IWS1: variants seen among roughly 807,000 people sequenced by gnomAD.
The protein encoded by IWS1 is protein IWS1 homolog.
In IWS1, 27 loss-of-function variants were observed where a neutral mutation model predicts 86.7. That is an observed-to-expected ratio of 0.31 (90% confidence interval 0.23 to 0.43). The LOEUF (loss-of-function observed/expected upper bound fraction) is 0.43. Among genes scored for constraint, IWS1 ranks in the 20% least tolerant of loss-of-function variants. IWS1 has a pLI of 1.00. For missense variants in IWS1, 827 were observed against 1,000.8 expected (o/e 0.83, Z 2.34); for synonymous variants, 313 against 335.1 (o/e 0.93, Z 0.72).
Position 127,503,445 on chromosome 2 carries a change from T to G in IWS1, c.1351A>C (p.Lys451Gln). 2 of 1,613,594 alleles carry G rather than the reference T, an allele frequency of 1.2e-6. No homozygotes were observed. Among genetic ancestry groups the G allele is most frequent in the Non-Finnish European group, 1.7e-6 (2 of 1,179,776 alleles). The change falls in exon 4 of 14, where the codon AAG (lysine) becomes CAG (glutamine). Residue 451 changes from lysine to glutamine, a missense_variant. Physicochemically the swap from Lys to Gln is moderately conservative, Grantham distance 53 (BLOSUM62 1). Coordinates refer to ENST00000295321, the MANE Select transcript of IWS1 (RefSeq NM_017969.3). The stretch of plus-strand genomic sequence containing the variant: ...AACAGATCCTTCTCTTCATTTTTCT[T>G]ATCAGACAATTCTTTCCCAGCTTCT... The part of the protein sequence containing the change: ...EEEAGKELSD[K>Q]KNEEKDLFGS...
At chr2:127,488,138 G>C (rs1303491214) in intron 12 of IWS1, 1 of 152,724 alleles carries the variant, frequency 6.5e-6, no homozygotes, top group Non-Finnish European at 1.5e-5. Flanking sequence ...CCAACGCACA[G>C]GACCACAGGT....
At chr2:127,491,447 AT>A (rs11352966) in intron 10 of IWS1, among the ~76,000 whole-genome samples, 128,089 of 147,848 alleles carry the variant, frequency 0.87, 55,636 homozygotes, top group East Asian at 1. Context: ...TTTACTTGCA[AT>A]TTTTTTTTTT....
At position 127,486,535 on chromosome 2, in the gene IWS1, G is replaced by A. The variant is rs779130506; in HGVS notation, c.2328+18C>T. On this transcript the variant is annotated intron_variant, in intron 13 of 13. Coordinates refer to ENST00000295321, the MANE Select transcript of IWS1 (RefSeq NM_017969.3). The stretch of plus-strand genomic sequence containing the variant: ...ATCTGCAGGTGAGATCCACCTTGCC[G>A]ATCCTCCGCTTGCTTACCCTGGATG... 8 of 1,561,260 alleles carry A rather than the reference G, an allele frequency of 5.1e-6. No homozygotes were observed. The highest frequency in any genetic ancestry group is 2.2e-5 in the East Asian group (1 of 44,588).
At chr2:127,494,985 TA>T in intron 7 of IWS1, 31 bp from the exon 8 acceptor site, 1 of 1,346,270 alleles carries the variant, frequency 7.4e-7, no homozygotes, top group Non-Finnish European at 1.0e-6. Context: ...GATTTTTTTT[TA>T]AAACAGTACT....
At chr2:127,487,740 T>C (rs953930272) in intron 12 of IWS1, among the ~76,000 whole-genome samples, 6 of 152,122 alleles carry the variant, frequency 3.9e-5, no homozygotes, top group African/African-American at 1.2e-4. Context: ...TTAGTAGAGA[T>C]GGGGTTTCTC....
rs139047888 is a variant in IWS1, at chr2:127,523,248, C to T, written c.150+428G>A. Among the ~76,000 whole-genome samples the T allele has an allele frequency of 8.5e-4, 130 of 152,178 alleles. 1 individual carries two copies. The highest frequency in any genetic ancestry group is 3.1e-3 in the African/African-American group (127 of 41,512). On this transcript the variant is annotated intron_variant, in intron 2 of 13. Transcript: ENST00000295321. ...TTATTATTACATACATTATATACAC[C>T]GTAACAGTTCAAAATCAGAAGGGCA...
At chr2:127,482,833 G>A (rs1211075455) in intron 13 of IWS1, 4 of 152,014 alleles carry the variant, frequency 2.6e-5, no homozygotes, top group South Asian at 4.2e-4. Context: ...TCAAGGGAAC[G>A]CTACACTTCC....
At position 127,500,160 on chromosome 2, in the gene IWS1, G is replaced by A. The variant is rs72960503; in HGVS notation, c.1468-1923C>T. On this transcript the variant is annotated intron_variant, in intron 5 of 13. Transcript: ENST00000295321. ...GTTCATCAGAAGACTCCATGTTAAC[G>A]GAATGAATTTAAGATATTCTAAAAA... Among the ~76,000 whole-genome samples, 1,063 of 152,102 alleles carry A rather than the reference G, an allele frequency of 7.0e-3. 15 individuals carry two copies. The highest frequency in any genetic ancestry group is 0.025 in the African/African-American group (1,023 of 41,486).
chr2:127,498,500 T>C (rs1468077201), intron 5 of IWS1, among the ~76,000 whole-genome samples: 1 of 151,278 alleles, frequency 6.6e-6, no homozygotes. Context: ...CTATTCAGAG[T>C]GGGTACAGGA....
At position 127,489,345 on chromosome 2, in the gene IWS1, G is replaced by A. The variant is rs1322254162; in HGVS notation, c.2160-110C>T. 3 of 702,358 alleles carry A rather than the reference G, an allele frequency of 4.3e-6. No individual in the cohort carries two copies. The highest frequency in any genetic ancestry group is 1.8e-5 in the South Asian group (1 of 57,100). 43.5% of individuals were successfully genotyped at this position (702,358 alleles called of 1,614,324 possible). A position where few individuals can be genotyped will look rare whatever the true frequency, so the allele number is the denominator to read the frequency against. On this transcript the variant is annotated intron_variant, in intron 11 of 13. Transcript: ENST00000295321. The surrounding 1 kb of genome is among the most constrained non-coding windows in gnomAD (Gnocchi z 4.8). ...CCATAACTATTAATAGCTCTTTTAC[G>A]ATGGATCAGGGAAAATAATTCCTAA...
Position 127,489,776 on chromosome 2 carries a change from C to A in IWS1, c.2159+56G>T. 1 of 967,392 alleles carries A rather than the reference C, an allele frequency of 1.0e-6. No individual in the cohort carries two copies. Among genetic ancestry groups the A allele is most frequent in the South Asian group, 1.3e-5 (1 of 76,080 alleles). 59.9% of individuals were successfully genotyped at this position (967,392 alleles called of 1,614,324 possible). On this transcript the variant is annotated intron_variant, in intron 11 of 13. Coordinates refer to ENST00000295321, the MANE Select transcript of IWS1 (RefSeq NM_017969.3). The surrounding 1 kb of genome is among the most constrained non-coding windows in gnomAD (Gnocchi z 4.8). ...GGCTTCCTAATGATCTTACTTAAAA[C>A]TGAGTTACTGCAACAATAACGTGTA...
intron 2 of IWS1, among the ~76,000 whole-genome samples, chr2:127,510,979 T>C (rs1691417860): frequency 6.6e-6 from 1 of 152,240 alleles, no homozygotes; most frequent in African/African-American, 2.4e-5. Flanking sequence ...AATTTTGACA[T>C]GTGGTCCACA....
At chr2:127,485,469 T>A (rs1428804798) in intron 13 of IWS1, among the ~76,000 whole-genome samples, 1 of 152,222 alleles carries the variant, frequency 6.6e-6, no homozygotes, top group Non-Finnish European at 1.5e-5. Context: ...CTTTATGTAA[T>A]GAGTTCTCAA....
intron 2 of IWS1, among the ~76,000 whole-genome samples, chr2:127,512,220 C>G (rs939238975): frequency 6.6e-6 from 1 of 152,126 alleles, no homozygotes; most frequent in Non-Finnish European, 1.5e-5. Context: ...TTCCATGAAA[C>G]AGAAACCAGC....
chr2:127,526,283 C>T lies in IWS1; in HGVS notation c.-75G>A. 3 of 1,544,958 alleles carry T rather than the reference C, an allele frequency of 1.9e-6. No homozygotes were observed. The highest frequency in any genetic ancestry group is 2.6e-6 in the Non-Finnish European group (3 of 1,146,974). On this transcript the variant is annotated 5_prime_UTR_variant, in exon 1 of 14. Coordinates refer to ENST00000295321, the MANE Select transcript of IWS1 (RefSeq NM_017969.3). ...CACCTCCTTCCAGGCGGTGTGACCCCGGATGGCGCGGCTAAGTGTTCAGAG... is the reference window on the plus strand; with the variant it reads ...CACCTCCTTCCAGGCGGTGTGACCCTGGATGGCGCGGCTAAGTGTTCAGAG...
chr2:127,498,183 C>T lies in IWS1; in HGVS notation c.1522G>A (p.Ala508Thr). 6.3e-7 allele frequency: 1 copy of T among 1,587,470 alleles called. No homozygotes were observed. The change falls in exon 6 of 14, where the codon GCA becomes ACA. Residue 508 changes from alanine (A) to threonine (T), a missense_variant. By Grantham distance (58) the Ala-to-Thr change is moderately conservative. Coordinates refer to ENST00000295321, the MANE Select transcript of IWS1 (RefSeq NM_017969.3). ...TTATCATCAGAATCTGAATCTTCTG[C>T]TTCTTTTACCTGTGTTTCACCTTTT... ...EEKGETQVKE[A>T]EDSDSDDNIK...
chr2:127,491,857 C>T, intron 10 of IWS1, 114 bp downstream of exon 10: 3 of 681,212 alleles, frequency 4.4e-6, no homozygotes, highest in Admixed American at 2.3e-5. Flanking sequence ...ATTTCTATTC[C>T]ACTTTACCGA....
chr2:127,518,529 A>G (rs1326227622), intron 2 of IWS1, among the ~76,000 whole-genome samples: 1 of 152,006 alleles, frequency 6.6e-6, no homozygotes, highest in Non-Finnish European at 1.5e-5. Context: ...AGAAAAAGAA[A>G]AAGAAAAGCT....
intron 7 of IWS1, among the ~76,000 whole-genome samples, chr2:127,495,590 C>T (rs1428879207): frequency 6.6e-6 from 1 of 152,184 alleles, no homozygotes. Context: ...AAACATACTA[C>T]TGGGCCAATT....
Sources: gnomAD v4.1 joint callset for allele counts (sites outside exome capture counted in the v4.1 genomes callset) on GRCh38, gnomAD v4.1.1 for gene constraint, Gnocchi (gnomAD v3.1) non-coding constraint, MANE v1.5 for transcripts, NCBI Gene and HGNC (gene_info 2026-07-23, HGNC 2026-07-21) for gene names.